The following DOK3 variants were observed in gnomAD, a reference collection of about 807,000 sequenced individuals.
The protein encoded by DOK3 is Dok-like protein.
Under a neutral mutation model 26.2 loss-of-function variants are expected in DOK3, and 23 were observed. The ratio of observed to expected loss-of-function variants is 0.88; its 90% CI spans 0.63 to 1.24. The LOEUF (loss-of-function observed/expected upper bound fraction) is 1.24. DOK3 is among the 50% of genes most tolerant of loss of function. DOK3 has a pLI of 0.00. For missense variants in DOK3, 619 were observed against 610.6 expected, an observed-to-expected ratio of 1.01 and a Z score of -0.15; for synonymous variants, 268 against 268.2, an observed-to-expected ratio of 1.00 and a Z score of 0.01.
At position 177,504,444 on chromosome 5, in the gene DOK3, G is replaced by A. The variant is rs1480646112; in HGVS notation, c.862C>T (p.Pro288Ser). 1.3e-6 allele frequency: 2 copies of A among 1,576,228 alleles called. No homozygotes were observed. Among genetic ancestry groups the A allele is most frequent in the Non-Finnish European group, 8.6e-7 (1 of 1,161,802 alleles). The change falls in exon 6 of 6, where the codon CCA (proline) becomes TCA (serine). Residue 288 changes from proline to serine, a missense_variant. By Grantham distance (74) the Pro-to-Ser change is moderately conservative. Coordinates refer to ENST00000510898, the MANE Select transcript of DOK3 (RefSeq NM_001308236.3). Reference protein sequence around the residue: ...LDTPGELREMPPGPEPPTSRK... With the variant: ...LDTPGELREMSPGPEPPTSRK... ...GACGTGGGTGGCTCAGGTCCTGGTG[G>A]CATCTCCCGAAGCTCTCCGGGGGTG...
chr5:177,502,142 G>A lies in DOK3; in HGVS notation c.*1841C>T, dbSNP rs1341520836. On this transcript the variant is annotated 3_prime_UTR_variant, in exon 6 of 6. Coordinates refer to ENST00000510898, the MANE Select transcript of DOK3 (RefSeq NM_001308236.3). ...AAGAACCAGAGCCGAGTGCTGCTGA[G>A]AAGTCAAAGTCCTTGTTGCTTTTGT... 1.3e-5 allele frequency: 2 copies of A among 152,254 alleles called. No homozygotes were observed. The highest frequency in any genetic ancestry group is 1.9e-4 in the East Asian group (1 of 5,200). The allele number at this position is 152,254 out of a possible 1,614,324, so 9.4% of individuals were successfully genotyped here. A position where few individuals can be genotyped will look rare whatever the true frequency, so the allele number is the denominator to read the frequency against.
upstream of DOK3, chr5:177,509,932 G>A: frequency 6.4e-7 from 1 of 1,567,190 alleles, no homozygotes. Context: ...CCTCCACCCA[G>A]GACCCTTCTC....
intron 3 of DOK3, among the ~76,000 whole-genome samples, chr5:177,507,061 A>G (rs540420566): frequency 4.0e-5 from 6 of 151,860 alleles, no homozygotes; most frequent in African/African-American, 1.4e-4. Flanking sequence ...CCATCATCCC[A>G]CATGGAAGCC....
Position 177,502,798 on chromosome 5 carries a change from G to A in DOK3, c.*1185C>T, listed in dbSNP as rs946597367. The A allele has an allele frequency of 1.2e-5, 6 of 509,118 alleles. No homozygotes were observed. In the South Asian group the frequency reaches 1.3e-4, roughly 11 times the overall value. 31.5% of individuals were successfully genotyped at this position (509,118 alleles called of 1,614,324 possible). On this transcript the variant is annotated 3_prime_UTR_variant, in exon 6 of 6. Transcript: ENST00000510898. ...ACTGAGGAGGTCTGGGCTCGCCCAA[G>A]GCCGGGGACTTTGCCAGACCAGTAA...
chr5:177,503,006 G>A lies in DOK3; in HGVS notation c.*977C>T. The A allele has an allele frequency of 6.7e-7, 1 of 1,482,198 alleles. No individual in the cohort carries two copies. Among genetic ancestry groups the A allele is most frequent in the Non-Finnish European group, 9.1e-7 (1 of 1,102,864 alleles). The allele number at this position is 1,482,198 out of a possible 1,614,324, so 91.8% of individuals were successfully genotyped here. ...CGGCCAGAGGATGAGGCTTGGACAG[G>A]AGAGAGCAAAAATTGTGTGTCCGTC... On this transcript the variant is annotated 3_prime_UTR_variant, in exon 6 of 6. Transcript: ENST00000510898.
rs369489888 is a variant in DOK3 at position 177,504,997 on chromosome 5, G to T, written c.472+14C>A. On this transcript the variant is annotated intron_variant, in intron 4 of 5. Coordinates refer to ENST00000510898, the MANE Select transcript of DOK3 (RefSeq NM_001308236.3). ...TGGGGGGCTGAGGCTGCCCTTGCAC[G>T]TCCTCCAACTTACCTTCCTGCCAGG... The T allele has an allele frequency of 6.2e-7, 1 of 1,600,842 alleles. No individual in the cohort carries two copies. The highest frequency in any genetic ancestry group is 8.5e-7 in the Non-Finnish European group (1 of 1,173,276).
Position 177,508,399 on chromosome 5 carries a change from C to CCGT in DOK3, c.207_209dup (p.Arg70dup). ...ACACACAGTCAGCCAGGCGGATGAC[C>CCGT]CGTCGCTCCCCTCGCCGGCCAGGCC... is the stretch of plus-strand genomic sequence containing the variant. On this transcript the variant is annotated inframe_insertion, in exon 3 of 6. Transcript: ENST00000510898. 6.2e-7 allele frequency: 1 copy of CCGT among 1,603,460 alleles called. No homozygotes were observed. The highest frequency in any genetic ancestry group is 8.5e-7 in the Non-Finnish European group (1 of 1,178,960).
At chr5:177,507,909 GC>G (rs972160134) in intron 3 of DOK3, among the ~76,000 whole-genome samples, 16 of 152,136 alleles carry the variant, frequency 1.1e-4, no homozygotes, top group African/African-American at 3.6e-4. Context: ...CGGCCTCGGG[GC>G]CTCTGCCCAC....
Position 177,504,012 on chromosome 5 carries a change from T to C in DOK3, c.1294A>G (p.Lys432Glu). The change falls in exon 6 of 6, where the codon AAG (lysine) becomes GAG (glutamate). Residue 432 changes from lysine (K) to glutamate (E), a missense_variant. By Grantham distance (56) the Lys-to-Glu change is moderately conservative. Transcript: ENST00000510898. Reference sequence around the variant, plus strand: ...GGCCGGTCACAAGGGGCTGGGCCCTTCCTCCGCTCACGACTCAGCAGGGTC... The same window carrying C: ...GGCCGGTCACAAGGGGCTGGGCCCTCCCTCCGCTCACGACTCAGCAGGGTC... ...LVTLLSRERR[K>E]GPAPCDRP is the part of the protein sequence containing the mutation. 1 of 1,564,562 alleles carries C rather than the reference T, an allele frequency of 6.4e-7. No individual in the cohort carries two copies. The highest frequency in any genetic ancestry group is 8.7e-7 in the Non-Finnish European group (1 of 1,155,076).
intron 3 of DOK3, 97 bp downstream of exon 3, chr5:177,508,140 T>C: frequency 7.5e-7 from 1 of 1,337,854 alleles, no homozygotes; most frequent in South Asian, 1.7e-5. Flanking sequence ...TTGTAGGTGC[T>C]CGGTGGAGCT....
chr5:177,503,260 C>A lies in DOK3; in HGVS notation c.*723G>T. The stretch of plus-strand genomic sequence containing the variant: ...AGAACAGGACCAAGGCTGTCCTGAA[C>A]ACGGCTGTGTCCCCCAGCGCCTGGC... On this transcript the variant is annotated 3_prime_UTR_variant, in exon 6 of 6. Coordinates refer to ENST00000510898, the MANE Select transcript of DOK3 (RefSeq NM_001308236.3). 2 of 1,551,490 alleles carry A rather than the reference C, an allele frequency of 1.3e-6. No homozygotes were observed.
In DOK3 at chr5:177,503,331, A is replaced by C. The variant is rs555994419; in HGVS notation, c.*652T>G. 9 of 1,551,416 alleles carry C rather than the reference A, an allele frequency of 5.8e-6. No homozygotes were observed. The highest frequency in any genetic ancestry group is 7.8e-6 in the Non-Finnish European group (9 of 1,146,664). ...ACTCTCATCAAGGATTATGCCTGATACGTCATCGGTTCTCTCTCCTTTACA... is the reference window on the plus strand; with the variant it reads ...ACTCTCATCAAGGATTATGCCTGATCCGTCATCGGTTCTCTCTCCTTTACA... On this transcript the variant is annotated 3_prime_UTR_variant, in exon 6 of 6. Coordinates refer to ENST00000510898, the MANE Select transcript of DOK3 (RefSeq NM_001308236.3).
chr5:177,506,098 G>A (rs1390947014), intron 3 of DOK3, among the ~76,000 whole-genome samples: 1 of 151,922 alleles, frequency 6.6e-6, no homozygotes, highest in African/African-American at 2.4e-5. Context: ...GATTACAGGT[G>A]CCCACCACCA....
In DOK3 at chr5:177,503,039, T is replaced by C. The variant is rs1759506654; in HGVS notation, c.*944A>G. 2 of 1,513,066 alleles carry C rather than the reference T, an allele frequency of 1.3e-6. No homozygotes were observed. Among genetic ancestry groups the C allele is most frequent in the Non-Finnish European group, 8.9e-7 (1 of 1,123,286 alleles). 93.7% of individuals were successfully genotyped at this position (1,513,066 alleles called of 1,614,324 possible). ...AAAAATTGTGTGTCCGTCATGAAAATGAGGTTCAGGATGTGCCAAGGGTGT... is the reference window on the plus strand; with the variant it reads ...AAAAATTGTGTGTCCGTCATGAAAACGAGGTTCAGGATGTGCCAAGGGTGT... On this transcript the variant is annotated 3_prime_UTR_variant, in exon 6 of 6. Transcript: ENST00000510898.
Position 177,505,881 on chromosome 5 carries a change from T to C in DOK3, c.373-771A>G, listed in dbSNP as rs548541527. Among the ~76,000 whole-genome samples, 7 of 152,240 alleles carry C rather than the reference T, an allele frequency of 4.6e-5. 1 individual carries two copies. Among genetic ancestry groups the C allele is most frequent in the African/African-American group, 1.4e-4 (6 of 41,554 alleles). ...CCTCCCAAGTAGCTGGGACTACAGG[T>C]GCCCGCCACCAGGCCTGGCTAATTT... On this transcript the variant is annotated intron_variant, in intron 3 of 5. Coordinates refer to ENST00000510898, the MANE Select transcript of DOK3 (RefSeq NM_001308236.3).
chr5:177,505,054 C>T lies in DOK3; in HGVS notation c.429G>A (p.Leu143=), dbSNP rs1256713833. Residue 143 remains leucine, a synonymous_variant, in exon 4 of 6, where the codon CTG becomes CTA. Coordinates refer to ENST00000510898, the MANE Select transcript of DOK3 (RefSeq NM_001308236.3). ...STDAQSPKRG[L]VPMEENSIYS... ...AGATGGAGTTTTCCTCCATGGGGAC[C>T]AGGCCCCTCTTGGGAGACTGGGCAT... 1.9e-6 allele frequency: 3 copies of T among 1,612,258 alleles called. No homozygotes were observed. Among genetic ancestry groups the T allele is most frequent in the Non-Finnish European group, 1.7e-6 (2 of 1,179,296 alleles).
At chr5:177,507,486 GCT>G (rs1315176878) in intron 3 of DOK3, among the ~76,000 whole-genome samples, 4 of 151,912 alleles carry the variant, frequency 2.6e-5, no homozygotes, top group African/African-American at 4.8e-5. Flanking sequence ...ATAGGGTCTT[GCT>G]CTGTCTCCCG....
chr5:177,504,009 C>T lies in DOK3; in HGVS notation c.1297G>A (p.Gly433Ser). The change falls in exon 6 of 6, where the codon GGC becomes AGC. Residue 433 changes from glycine to serine, a missense_variant. Gly to Ser is a moderately conservative substitution (Grantham distance 56). Transcript: ENST00000510898. ...CAGGGCCGGTCACAAGGGGCTGGGC[C>T]CTTCCTCCGCTCACGACTCAGCAGG... ...VTLLSRERRK[G>S]PAPCDRP The T allele has an allele frequency of 6.4e-7, 1 of 1,561,778 alleles. No homozygotes were observed. Among genetic ancestry groups the T allele is most frequent in the Non-Finnish European group, 8.7e-7 (1 of 1,153,744 alleles).
chr5:177,505,578 C>T (rs1760019921), intron 3 of DOK3, among the ~76,000 whole-genome samples: 1 of 152,200 alleles, frequency 6.6e-6, no homozygotes, highest in South Asian at 2.1e-4. Context: ...CTAGCACCAC[C>T]CTGGCCCATA....
Sources: gnomAD v4.1 joint callset for allele counts (sites outside exome capture counted in the v4.1 genomes callset) on GRCh38, gnomAD v4.1.1 for gene constraint, MANE v1.5 for transcripts, NCBI Gene and HGNC (gene_info 2026-07-23, HGNC 2026-07-21) for gene names.